The following CNTNAP4 variants were observed in gnomAD, a reference collection of about 807,000 sequenced individuals.
The protein encoded by CNTNAP4 is contactin-associated protein-like 4.
A neutral mutation model predicts 148.4 loss-of-function variants in CNTNAP4; 98 were observed. The observed-to-expected ratio is 0.66, with a 90% CI of 0.56 to 0.78. The LOEUF is 0.78. Ranked by LOEUF, CNTNAP4 falls within the 30% of genes least tolerant of loss-of-function variation. The pLI, the probability that CNTNAP4 is intolerant of heterozygous loss-of-function variation, is 0.00. For synonymous variants in CNTNAP4, 730 were observed against 565.1 expected (o/e 1.29, Z -4.14); for missense variants, 1,935 against 1,565.6 (o/e 1.24, Z -3.98).
intron 3 of CNTNAP4, among the ~76,000 whole-genome samples, chr16:76,403,643 C>T (rs1381304347): frequency 6.6e-6 from 1 of 152,132 alleles, no homozygotes; most frequent in Non-Finnish European, 1.5e-5. Flanking sequence ...TATGGCAATT[C>T]CTCAAAGAGC....
intron 3 of CNTNAP4, among the ~76,000 whole-genome samples, chr16:76,408,447 T>G (rs1481114280): frequency 7.0e-6 from 1 of 142,478 alleles, no homozygotes; most frequent in African/African-American, 3.1e-5. Flanking sequence ...TACACACAAG[T>G]AAACAGAGTA....
intron 17 of CNTNAP4, among the ~76,000 whole-genome samples, chr16:76,522,657 T>C (rs1236333896): frequency 0.037 from 3,397 of 91,046 alleles, 355 homozygotes; most frequent in Middle Eastern, 0.089. Flanking sequence ...TTTCTCTCTT[T>C]CTCTCTTTCC....
chr16:76,345,038 A>G (rs1416237110), intron 2 of CNTNAP4, among the ~76,000 whole-genome samples: 1 of 152,202 alleles, frequency 6.6e-6, no homozygotes, highest in African/African-American at 2.4e-5. Flanking sequence ...ATTTATTGAT[A>G]TACACTATGA....
At chr16:76,429,267 C>T (rs1004688994) in intron 4 of CNTNAP4, among the ~76,000 whole-genome samples, 1 of 152,098 alleles carries the variant, frequency 6.6e-6, no homozygotes, top group African/African-American at 2.4e-5. Context: ...GTCTTTGGAT[C>T]GTAGAGCTTA....
Position 76,355,485 on chromosome 16 carries a change from C to T in CNTNAP4, c.364C>T (p.Gln122Ter). 1.2e-6 allele frequency: 2 copies of T among 1,609,254 alleles called. No homozygotes were observed. Among genetic ancestry groups the T allele is most frequent in the Non-Finnish European group, 1.7e-6 (2 of 1,177,974 alleles). The change falls in exon 3 of 24, where the codon CAA becomes TAA. Residue 122 changes from glutamine to a stop codon, truncating the protein, a stop_gained. Transcript: ENST00000611870. LOFTEE classifies it high-confidence loss of function. ...CAGTGATAGTGGCTGGAACTGGAAA[C>T]AATATCGCCAAGAGGACAGCATCTG... is the stretch of plus-strand genomic sequence containing the variant. Reference protein sequence around the residue: ...MFSDSGWNWKQYRQEDSIWGF... With the variant: ...MFSDSGWNWK
At chr16:76,366,286 C>T (rs12920627) in intron 3 of CNTNAP4, among the ~76,000 whole-genome samples, 42,945 of 151,678 alleles carry the variant, frequency 0.28, 6,462 homozygotes, top group Non-Finnish European at 0.34. Context: ...GTCTTCCCAC[C>T]CTCCATTCTC....
intron 2 of CNTNAP4, among the ~76,000 whole-genome samples, chr16:76,329,975 A>T (rs1346409499): frequency 6.6e-6 from 1 of 152,220 alleles, no homozygotes; most frequent in Non-Finnish European, 1.5e-5. Flanking sequence ...GTCCTTCGCC[A>T]GAGCCTCGGG....
chr16:76,311,973 T>C (rs937848033), intron 1 of CNTNAP4, among the ~76,000 whole-genome samples: 2 of 152,302 alleles, frequency 1.3e-5, no homozygotes, highest in South Asian at 4.1e-4. Context: ...GCCCCCTACT[T>C]AAATGCCTGT....
chr16:76,307,094 A>G (rs1448500783), intron 1 of CNTNAP4, among the ~76,000 whole-genome samples: 2 of 152,214 alleles, frequency 1.3e-5, no homozygotes, highest in Non-Finnish European at 1.5e-5. Context: ...ACTTCATTGA[A>G]TAACACAAAA....
At chr16:76,305,331 T>C (rs1484253388) in intron 1 of CNTNAP4, among the ~76,000 whole-genome samples, 1 of 152,206 alleles carries the variant, frequency 6.6e-6, no homozygotes, top group African/African-American at 2.4e-5. Flanking sequence ...TTGTCTTTTT[T>C]GTTTTGAAGA....
At chr16:76,475,918 T>G (rs2143615884) in intron 10 of CNTNAP4, 21 bp from the exon 11 acceptor site, 6 of 1,566,422 alleles carry the variant, frequency 3.8e-6, no homozygotes, top group African/African-American at 2.7e-5. Context: ...AACTGGTGAT[T>G]GTATCTGCAC....
intron 4 of CNTNAP4, among the ~76,000 whole-genome samples, chr16:76,443,193 TCA>T (rs2080109767): frequency 6.6e-6 from 1 of 152,124 alleles, no homozygotes; most frequent in Non-Finnish European, 1.5e-5. Flanking sequence ...ATGAACAAAT[TCA>T]CAGTTAGAAA....
intron 4 of CNTNAP4, among the ~76,000 whole-genome samples, chr16:76,427,819 G>C (rs751769702): frequency 6.6e-6 from 1 of 152,086 alleles, no homozygotes; most frequent in Non-Finnish European, 1.5e-5. Flanking sequence ...TTGATAGATG[G>C]ATAGATACAT....
chr16:76,387,214 CAT>C lies in CNTNAP4; in HGVS notation c.390+31704_390+31705del, dbSNP rs1223691454. Among the ~76,000 whole-genome samples, 14 of 152,316 alleles carry C rather than the reference CAT, an allele frequency of 9.2e-5. No individual in the cohort carries two copies. In the East Asian group the frequency reaches 2.7e-3, roughly 29 times the overall value. On this transcript the variant is annotated intron_variant, in intron 3 of 23. Coordinates refer to ENST00000611870, the MANE Select transcript of CNTNAP4 (RefSeq NM_033401.5). ...CCTGAGAAAATTGATACACCTACCA[CAT>C]GACATTTATAGTCCGATAAGTGATA... is the stretch of plus-strand genomic sequence containing the variant.
At chr16:76,455,206 G>A (rs1320434682) in intron 8 of CNTNAP4, among the ~76,000 whole-genome samples, 2 of 152,118 alleles carry the variant, frequency 1.3e-5, no homozygotes, top group Non-Finnish European at 2.9e-5. Context: ...AAATCAATGA[G>A]CAGTACAGTT....
intron 17 of CNTNAP4, 28 bp downstream of exon 17, chr16:76,522,285 T>C: frequency 1.3e-6 from 2 of 1,578,064 alleles, no homozygotes; most frequent in Non-Finnish European, 1.7e-6. Flanking sequence ...GCAATCATTT[T>C]ATTGTATGAT....
intron 4 of CNTNAP4, among the ~76,000 whole-genome samples, chr16:76,444,623 A>C (rs1441774109): frequency 6.6e-6 from 1 of 152,086 alleles, no homozygotes; most frequent in Non-Finnish European, 1.5e-5. Context: ...ATAACTCAGA[A>C]TTTTGTAATT....
intron 2 of CNTNAP4, among the ~76,000 whole-genome samples, chr16:76,339,934 T>G (rs1394097103): frequency 2.6e-5 from 4 of 152,192 alleles, no homozygotes; most frequent in African/African-American, 9.7e-5. Context: ...CATGGGAAAG[T>G]TGATATTTTA....
chr16:76,390,178 A>G (rs957414779), intron 3 of CNTNAP4, among the ~76,000 whole-genome samples: 4 of 152,200 alleles, frequency 2.6e-5, no homozygotes, highest in African/African-American at 9.6e-5. Context: ...CAAAGCCGTC[A>G]GGTAAACTTG....
Sources: gnomAD v4.1 joint callset for allele counts (sites outside exome capture counted in the v4.1 genomes callset) on GRCh38, gnomAD v4.1.1 for gene constraint, MANE v1.5 for transcripts, NCBI Gene and HGNC (gene_info 2026-07-23, HGNC 2026-07-21) for gene names.